The following RMND5A variants were observed in gnomAD, a reference collection of about 807,000 sequenced individuals.
RMND5A encodes the protein required for meiotic nuclear division 5 homolog A.
A neutral mutation model predicts 49.7 loss-of-function variants in RMND5A; 17 were observed. The ratio of observed to expected loss-of-function variants is 0.34; its 90% CI spans 0.23 to 0.51. The LOEUF (loss-of-function observed/expected upper bound fraction) is 0.51, where lower values mean the gene tolerates loss of function less well. RMND5A is among the 20% of genes least tolerant of loss of function. The pLI is 0.96. For missense variants in RMND5A, 255 were observed against 471.3 expected (o/e 0.54, Z 4.25); for synonymous variants, 156 against 167.7 (o/e 0.93, Z 0.54).
At chr2:86,750,710 A>G (rs1387254839) in intron 2 of RMND5A, among the ~76,000 whole-genome samples, 2 of 150,758 alleles carry the variant, frequency 1.3e-5, no homozygotes, top group Non-Finnish European at 2.9e-5. Flanking sequence ...CTCTTCTCCT[A>G]GTATTCCGAT....
chr2:86,758,833 C>G (rs1026270085), intron 4 of RMND5A, among the ~76,000 whole-genome samples: 2 of 152,070 alleles, frequency 1.3e-5, no homozygotes, highest in Admixed American at 1.3e-4. Context: ...TTACAGAGTT[C>G]CTCACTTTTT....
chr2:86,765,744 A>T, intron 5 of RMND5A, 115 bp from the exon 6 acceptor site: 1 of 859,776 alleles, frequency 1.2e-6, no homozygotes, highest in Non-Finnish European at 1.7e-6. Context: ...CCAGAATTTT[A>T]AAAGACCTGT....
At position 86,776,169 on chromosome 2, in the gene RMND5A, A is replaced by G. The variant is rs940001570; in HGVS notation, c.*2758A>G. On this transcript the variant is annotated 3_prime_UTR_variant, in exon 9 of 9. Transcript: ENST00000283632. Reference sequence around the variant, plus strand: ...CTTTAGATTCTGACTTAGCCAGAGCATCTGAGTGTTCAAGTACAGTTTTAC... The same window carrying G: ...CTTTAGATTCTGACTTAGCCAGAGCGTCTGAGTGTTCAAGTACAGTTTTAC... 1 of 152,246 alleles carries G rather than the reference A, an allele frequency of 6.6e-6. No individual in the cohort carries two copies. Among genetic ancestry groups the G allele is most frequent in the African/African-American group, 2.4e-5 (1 of 41,462 alleles). The allele number at this position is 152,246 out of a possible 1,614,324, so 9.4% of individuals were successfully genotyped here. A position where few individuals can be genotyped will look rare whatever the true frequency, so the allele number is the denominator to read the frequency against.
intron 4 of RMND5A, among the ~76,000 whole-genome samples, chr2:86,755,417 C>T (rs542657114): frequency 4.2e-4 from 64 of 152,308 alleles, no homozygotes; most frequent in Admixed American, 2.4e-3. Flanking sequence ...CCAATGTGCC[C>T]GAGAAAGCCT....
intron 2 of RMND5A, among the ~76,000 whole-genome samples, chr2:86,744,224 C>T (rs73947251): frequency 0.05 from 7,537 of 152,114 alleles, 569 homozygotes; most frequent in African/African-American, 0.16. Context: ...TCAGGAATTC[C>T]GTGTAGGCTG....
intron 4 of RMND5A, among the ~76,000 whole-genome samples, chr2:86,762,913 A>G (rs1558725662): frequency 6.6e-6 from 1 of 150,566 alleles, no homozygotes; most frequent in Non-Finnish European, 1.5e-5. Flanking sequence ...GGTGGCGTGC[A>G]CCTATGGTGC....
intron 4 of RMND5A, among the ~76,000 whole-genome samples, chr2:86,757,246 G>A (rs1681758686): frequency 6.6e-6 from 1 of 150,730 alleles, no homozygotes; most frequent in African/African-American, 2.4e-5. Context: ...CTAGGGGAAT[G>A]GTGATATTGT....
chr2:86,721,429 C>T lies in RMND5A; in HGVS notation c.142+620C>T, dbSNP rs566475212. Among the ~76,000 whole-genome samples, 704 of 152,002 alleles carry T rather than the reference C, an allele frequency of 4.6e-3. 3 individuals carry two copies. Among genetic ancestry groups the T allele is most frequent in the Non-Finnish European group, 7.9e-3 (538 of 68,012 alleles). On this transcript the variant is annotated intron_variant, in intron 1 of 8. Transcript: ENST00000283632. ...ACTCCGCAGCGGCTCTGACATGGTT[C>T]CTTGGAAACCAGCTCAATTCAACCC...
At chr2:86,761,041 A>G (rs1558725143) in intron 4 of RMND5A, among the ~76,000 whole-genome samples, 1 of 151,804 alleles carries the variant, frequency 6.6e-6, no homozygotes, top group East Asian at 1.9e-4. Context: ...AATTGATAAT[A>G]GTTGCCTTAT....
chr2:86,750,787 T>A (rs1448976353), intron 2 of RMND5A, among the ~76,000 whole-genome samples: 1 of 130,166 alleles, frequency 7.7e-6, no homozygotes, highest in Admixed American at 7.7e-5. Context: ...TTTTTTTTTT[T>A]AAACTGGTGT....
At position 86,773,949 on chromosome 2, in the gene RMND5A, T is replaced by G. The variant is rs761989247; in HGVS notation, c.*538T>G. 2.6e-5 allele frequency: 4 copies of G among 152,704 alleles called. 1 individual carries two copies. The South Asian group carries it at 6.2e-4, about 24-fold the overall frequency. 9.5% of individuals were successfully genotyped at this position (152,704 alleles called of 1,614,324 possible). A position where few individuals can be genotyped will look rare whatever the true frequency, so the allele number is the denominator to read the frequency against. ...AGCTGTGATAGATTCCAGATATGCT[T>G]TTTGATGTTTTCCTCTGCTCCAGCT... On this transcript the variant is annotated 3_prime_UTR_variant, in exon 9 of 9. Transcript: ENST00000283632.
chr2:86,748,154 A>C (rs761939941), intron 2 of RMND5A: 1 of 152,248 alleles, frequency 6.6e-6, no homozygotes, highest in Non-Finnish European at 1.5e-5. Context: ...ACAGCCATGC[A>C]AATGAGCTTG....
chr2:86,763,024 C>T (rs1038388177), intron 4 of RMND5A, among the ~76,000 whole-genome samples: 5 of 151,784 alleles, frequency 3.3e-5, no homozygotes, highest in South Asian at 2.1e-4. Flanking sequence ...GCCTGGGCAA[C>T]GAAAGTGAAA....
chr2:86,735,001 T>C (rs1681391496), intron 1 of RMND5A, among the ~76,000 whole-genome samples: 1 of 148,064 alleles, frequency 6.8e-6, no homozygotes, highest in South Asian at 2.1e-4. Context: ...AATGACACAA[T>C]ATGTGGCCTT....
chr2:86,755,199 C>T (rs1033943646), intron 4 of RMND5A, among the ~76,000 whole-genome samples: 3 of 151,894 alleles, frequency 2.0e-5, no homozygotes, highest in African/African-American at 7.3e-5. Flanking sequence ...TCACTGCACA[C>T]TCTCAAACTC....
chr2:86,768,176 A>G (rs1290716198), intron 6 of RMND5A, among the ~76,000 whole-genome samples: 2 of 152,268 alleles, frequency 1.3e-5, no homozygotes, highest in African/African-American at 4.8e-5. Flanking sequence ...CCACAAAAAG[A>G]AAAGCTCTTT....
At position 86,775,153 on chromosome 2, in the gene RMND5A, G is replaced by A. The variant is rs1251414405; in HGVS notation, c.*1742G>A. The A allele has an allele frequency of 1.3e-5, 2 of 152,166 alleles. No individual in the cohort carries two copies. Among genetic ancestry groups the A allele is most frequent in the African/African-American group, 4.8e-5 (2 of 41,402 alleles). 9.4% of individuals were successfully genotyped at this position (152,166 alleles called of 1,614,324 possible). ...CTTCACTGTTGGAATCCTCTTTGAA[G>A]TTCCCCCTCTCTTTGCTAAAGCAGT... On this transcript the variant is annotated 3_prime_UTR_variant, in exon 9 of 9. Coordinates refer to ENST00000283632, the MANE Select transcript of RMND5A (RefSeq NM_022780.4).
rs1681420020 is a variant in RMND5A at position 86,738,648 on chromosome 2, C to G, written c.143-2279C>G. On this transcript the variant is annotated intron_variant, in intron 1 of 8. Coordinates refer to ENST00000283632, the MANE Select transcript of RMND5A (RefSeq NM_022780.4). ...TTTCAGTCAAAGTAAAAGCATAAGTCTTTACAATGCCAAAGAGATCCTACC... is the reference window on the plus strand; with the variant it reads ...TTTCAGTCAAAGTAAAAGCATAAGTGTTTACAATGCCAAAGAGATCCTACC... 6.1e-5 allele frequency among the ~76,000 whole-genome samples: 2 copies of G among 32,788 alleles called. 1 individual carries two copies. Among genetic ancestry groups the G allele is most frequent in the Non-Finnish European group, 1.2e-4 (2 of 16,876 alleles). 21.5% of individuals were successfully genotyped at this position (32,788 alleles called of 152,430 possible).
rs1672663856 is a variant in RMND5A at position 86,770,057 on chromosome 2, A to G, written c.889A>G (p.Ile297Val). The change falls in exon 7 of 9, where the codon ATT becomes GTT. Residue 297 changes from isoleucine (I) to valine (V), a missense_variant. Coordinates refer to ENST00000283632, the MANE Select transcript of RMND5A (RefSeq NM_022780.4). The stretch of plus-strand genomic sequence containing the variant: ...AGGTTGTGTGGCGCTGCCAGCTTTA[A>G]TTAACATCAAAGCCGTGATTGAACA... ...SAGCVALPAL[I>V]NIKAVIEQRQ... 1 of 1,613,942 alleles carries G rather than the reference A, an allele frequency of 6.2e-7. No homozygotes were observed. The highest frequency in any genetic ancestry group is 1.3e-5 in the African/African-American group (1 of 74,928).
Sources: gnomAD v4.1 joint callset for allele counts (sites outside exome capture counted in the v4.1 genomes callset) on GRCh38, gnomAD v4.1.1 for gene constraint, MANE v1.5 for transcripts, NCBI Gene and HGNC (gene_info 2026-07-23, HGNC 2026-07-21) for gene names.